Variants in ITPR2 observed in about 807,000 individuals in gnomAD.
ITPR2 encodes inositol 1,4,5-trisphosphate-gated calcium channel ITPR2.
In ITPR2, 207 loss-of-function variants were observed where a neutral mutation model predicts 317.1. That is an observed-to-expected ratio of 0.65 (90% confidence interval 0.58 to 0.73). ITPR2 has a LOEUF of 0.73. Among genes scored for constraint, ITPR2 ranks in the 30% least tolerant of loss-of-function variants. The pLI is 0.00. For missense variants in ITPR2, 2,613 were observed against 3,284.0 expected (o/e 0.80, Z 4.99); for synonymous variants, 1,156 against 1,149.1 (o/e 1.01, Z -0.12).
At position 26,383,796 on chromosome 12, in the gene ITPR2, T is replaced by G. The variant is rs184202596; in HGVS notation, c.7857+3638A>C. ...CAGGCGTGAGCCACCACACCCAACC[T>G]CTATTCTTGTTTTTCCCATTTCTCC... is the stretch of plus-strand genomic sequence containing the variant. On this transcript the variant is annotated intron_variant, in intron 55 of 56. Transcript: ENST00000381340. Among the ~76,000 whole-genome samples the G allele has an allele frequency of 2.2e-3, 336 of 151,920 alleles. 4 individuals are homozygous for G. The highest frequency in any genetic ancestry group is 8.0e-3 in the African/African-American group (332 of 41,438).
At chr12:26,345,868 C>CTAACAAAG (rs58438686) in intron 55 of ITPR2, among the ~76,000 whole-genome samples, 22,826 of 152,110 alleles carry the variant, frequency 0.15, 2,003 homozygotes, top group Middle Eastern at 0.22. Flanking sequence ...TGTATGCCAT[C>CTAACAAAG]TAACAAAGCA....
At chr12:26,595,662 GT>G in intron 31 of ITPR2, 72 bp from the exon 32 acceptor site, 1 of 1,231,700 alleles carries the variant, frequency 8.1e-7, no homozygotes, top group Non-Finnish European at 1.1e-6. Context: ...ATTATGAAAG[GT>G]TAACATAAAA....
chr12:26,513,303 C>T (rs1013466473), intron 37 of ITPR2, among the ~76,000 whole-genome samples: 5 of 151,986 alleles, frequency 3.3e-5, no homozygotes, highest in African/African-American at 9.7e-5. Flanking sequence ...TGCTTAAATT[C>T]GAATTAAGAT....
At chr12:26,423,966 A>G (rs561562990) in intron 49 of ITPR2, among the ~76,000 whole-genome samples, 1 of 152,234 alleles carries the variant, frequency 6.6e-6, no homozygotes, top group African/African-American at 2.4e-5. Context: ...CTAAGTTGTT[A>G]TAACACAGGT....
At chr12:26,430,753 T>C (rs1941184276) in intron 48 of ITPR2, among the ~76,000 whole-genome samples, 1 of 152,250 alleles carries the variant, frequency 6.6e-6, no homozygotes, top group Non-Finnish European at 1.5e-5. Flanking sequence ...TTATCTTTTG[T>C]AAAAGAAAAT....
At chr12:26,614,503 C>G (rs573838655) in intron 26 of ITPR2, among the ~76,000 whole-genome samples, 1 of 152,296 alleles carries the variant, frequency 6.6e-6, no homozygotes, top group South Asian at 2.1e-4. Context: ...GATACGAGCT[C>G]AAAACCTGCA....
intron 11 of ITPR2, among the ~76,000 whole-genome samples, chr12:26,686,165 A>G (rs1160653806): frequency 6.6e-6 from 1 of 152,154 alleles, no homozygotes; most frequent in Non-Finnish European, 1.5e-5. Flanking sequence ...CATAATAAAA[A>G]TAAATGATAA....
At chr12:26,349,006 T>C (rs1177988575) in intron 55 of ITPR2, among the ~76,000 whole-genome samples, 1 of 151,860 alleles carries the variant, frequency 6.6e-6, no homozygotes, top group Non-Finnish European at 1.5e-5. Context: ...CAATTAACTG[T>C]GTGTGGTGGC....
chr12:26,448,875 T>C (rs891164884), intron 45 of ITPR2, among the ~76,000 whole-genome samples: 2 of 152,212 alleles, frequency 1.3e-5, no homozygotes, highest in African/African-American at 4.8e-5. Context: ...GCAAACCTTA[T>C]ACATAAACAT....
At chr12:26,829,332 A>G (rs1277469900) in intron 1 of ITPR2, among the ~76,000 whole-genome samples, 1 of 151,964 alleles carries the variant, frequency 6.6e-6, no homozygotes, top group African/African-American at 2.4e-5. Context: ...ATGAGATTTC[A>G]TAGCACCTTT....
intron 2 of ITPR2, among the ~76,000 whole-genome samples, chr12:26,769,231 G>A (rs2137145437): frequency 6.6e-6 from 1 of 152,208 alleles, no homozygotes; most frequent in East Asian, 1.9e-4. Flanking sequence ...CTGCTCTATT[G>A]GGTTATTATC....
intron 43 of ITPR2, among the ~76,000 whole-genome samples, chr12:26,480,607 C>T (rs1429113829): frequency 5.3e-5 from 8 of 151,998 alleles, no homozygotes; most frequent in Admixed American, 6.6e-5. Flanking sequence ...TTTGGGAGGC[C>T]GAGGTGGGCA....
At chr12:26,743,282 A>G (rs2137087028) in intron 2 of ITPR2, among the ~76,000 whole-genome samples, 2 of 152,322 alleles carry the variant, frequency 1.3e-5, no homozygotes, top group East Asian at 3.9e-4. Context: ...GAACCTCTGC[A>G]GGGCTGTAAA....
chr12:26,382,992 C>G (rs1263463427), intron 55 of ITPR2, among the ~76,000 whole-genome samples: 1 of 152,108 alleles, frequency 6.6e-6, no homozygotes, highest in Admixed American at 6.5e-5. Flanking sequence ...AATTTGATCC[C>G]TGGTGTTGGA....
intron 52 of ITPR2, among the ~76,000 whole-genome samples, chr12:26,402,262 A>G (rs1245451710): frequency 1.3e-5 from 2 of 152,240 alleles, no homozygotes; most frequent in African/African-American, 4.8e-5. Context: ...TCATTTTCCA[A>G]TAATCAGGTC....
intron 39 of ITPR2, among the ~76,000 whole-genome samples, chr12:26,491,482 C>CAAAAAAAAAAAA (rs57612774): frequency 1.7e-5 from 1 of 57,830 alleles, no homozygotes; most frequent in African/African-American, 7.3e-5. Flanking sequence ...GACTCCATCT[C>CAAAAAAAAAAAA]AAAAAAAAAA....
At chr12:26,602,055 C>A (rs151308591) in intron 28 of ITPR2, among the ~76,000 whole-genome samples, 3 of 152,180 alleles carry the variant, frequency 2.0e-5, no homozygotes, top group African/African-American at 7.2e-5. Context: ...AACCGAATAG[C>A]GCATGATTCT....
chr12:26,425,763 C>A (rs1022882432), intron 49 of ITPR2, among the ~76,000 whole-genome samples: 5 of 151,796 alleles, frequency 3.3e-5, no homozygotes, highest in East Asian at 3.9e-4. Context: ...AATTACAGTC[C>A]CCACAGATTT....
At chr12:26,751,979 G>A (rs1949431655) in intron 2 of ITPR2, among the ~76,000 whole-genome samples, 2 of 151,942 alleles carry the variant, frequency 1.3e-5, no homozygotes, top group East Asian at 1.9e-4. Context: ...ATAGAGATAT[G>A]TCTATAGTCT....
Sources: gnomAD v4.1 joint callset for allele counts (sites outside exome capture counted in the v4.1 genomes callset) on GRCh38, gnomAD v4.1.1 for gene constraint, MANE v1.5 for transcripts, NCBI Gene and HGNC (gene_info 2026-07-23, HGNC 2026-07-21) for gene names.